Variants in RTN4RL1 observed in about 807,000 individuals in gnomAD.
The protein encoded by RTN4RL1 is reticulon-4 receptor-like 1.
In RTN4RL1, 7 loss-of-function variants were observed where a neutral mutation model predicts 25.6. That is an observed-to-expected ratio of 0.27 (90% confidence interval 0.16 to 0.51). RTN4RL1 has a LOEUF of 0.51. RTN4RL1 is among the 20% of genes least tolerant of loss of function. The pLI is 0.97. For synonymous variants in RTN4RL1, 297 were observed against 288.2 expected, an observed-to-expected ratio of 1.03 and a Z score of -0.31; for missense variants, 500 against 615.6, an observed-to-expected ratio of 0.81 and a Z score of 1.99.
intron 1 of RTN4RL1, among the ~76,000 whole-genome samples, chr17:2,013,632 T>TTG (rs1567528139): frequency 1.5e-5 from 2 of 134,168 alleles, no homozygotes; most frequent in African/African-American, 5.8e-5. Flanking sequence ...TCCCTCACCC[T>TTG]GGAACATAAA....
chr17:2,011,200 A>G (rs975872460), intron 1 of RTN4RL1, among the ~76,000 whole-genome samples: 3 of 152,166 alleles, frequency 2.0e-5, no homozygotes, highest in African/African-American at 4.8e-5. Context: ...GCTGTGAGCC[A>G]AGATCGCGCC....
At chr17:2,012,418 C>T (rs146988334) in intron 1 of RTN4RL1, among the ~76,000 whole-genome samples, 105 of 152,350 alleles carry the variant, frequency 6.9e-4, no homozygotes, top group African/African-American at 2.3e-3. Context: ...TCGGTATCCT[C>T]ATCTGTAACT....
chr17:1,991,276 C>T (rs1000924602), intron 1 of RTN4RL1, among the ~76,000 whole-genome samples: 1 of 151,750 alleles, frequency 6.6e-6, no homozygotes, highest in African/African-American at 2.4e-5. Flanking sequence ...TAGGCATAGG[C>T]TTGTAGGGAG....
intron 1 of RTN4RL1, among the ~76,000 whole-genome samples, chr17:1,993,820 C>T (rs2066919312): frequency 6.6e-6 from 1 of 152,022 alleles, no homozygotes; most frequent in African/African-American, 2.4e-5. Context: ...AAACAAATCA[C>T]ATTCTGCAAA....
intron 1 of RTN4RL1, among the ~76,000 whole-genome samples, chr17:2,016,170 TAGG>T (rs2067120124): frequency 6.6e-6 from 1 of 152,068 alleles, no homozygotes; most frequent in Admixed American, 6.6e-5. Context: ...CACCTGAGGT[TAGG>T]AGTTCAAGAC....
At chr17:1,942,777 C>T (rs1915466690) in intron 1 of RTN4RL1, among the ~76,000 whole-genome samples, 1 of 152,136 alleles carries the variant, frequency 6.6e-6, no homozygotes, top group South Asian at 2.1e-4. Context: ...CGCTCAGCAG[C>T]CCCAGATGTG....
At chr17:1,997,549 G>GT (rs1169433960) in intron 1 of RTN4RL1, among the ~76,000 whole-genome samples, 1 of 152,202 alleles carries the variant, frequency 6.6e-6, no homozygotes, top group Non-Finnish European at 1.5e-5. Context: ...CCCATAGTAG[G>GT]TGCTCAATCA....
intron 1 of RTN4RL1, among the ~76,000 whole-genome samples, chr17:1,938,388 C>T (rs772652656): frequency 3.8e-4 from 58 of 151,882 alleles, no homozygotes; most frequent in Non-Finnish European, 5.0e-4. Context: ...CTGCAACCTC[C>T]GCCTCCGGGG....
At chr17:2,017,927 ACT>A in intron 1 of RTN4RL1, 1 of 152,314 alleles carries the variant, frequency 6.6e-6, no homozygotes, top group Non-Finnish European at 1.5e-5. Context: ...GATCAGCTAG[ACT>A]CTCTGCCTTG....
At chr17:2,020,876 G>C (rs556486563) in intron 1 of RTN4RL1, among the ~76,000 whole-genome samples, 3 of 152,206 alleles carry the variant, frequency 2.0e-5, no homozygotes, top group South Asian at 2.1e-4. Context: ...CACGGGTCCC[G>C]ACCTTAAGTA....
chr17:1,962,494 G>A (rs1272320151), intron 1 of RTN4RL1, among the ~76,000 whole-genome samples: 1 of 151,708 alleles, frequency 6.6e-6, no homozygotes, highest in Non-Finnish European at 1.5e-5. Flanking sequence ...GAGTAGCTGG[G>A]ACTACAGGTG....
intron 1 of RTN4RL1, among the ~76,000 whole-genome samples, chr17:1,949,051 G>A (rs1371637075): frequency 6.6e-6 from 1 of 152,166 alleles, no homozygotes; most frequent in Non-Finnish European, 1.5e-5. Flanking sequence ...CCGCCTCCCG[G>A]GTTCAAGGCA....
intron 1 of RTN4RL1, among the ~76,000 whole-genome samples, chr17:2,001,032 CAAT>C (rs1426216805): frequency 3.4e-5 from 5 of 148,622 alleles, no homozygotes; most frequent in African/African-American, 7.5e-5. Context: ...ATAAAGATAA[CAAT>C]AATAATGTTT....
intron 1 of RTN4RL1, among the ~76,000 whole-genome samples, chr17:1,999,673 G>GCC (rs61003177): frequency 0.018 from 2,643 of 150,470 alleles, 75 homozygotes; most frequent in African/African-American, 0.057. Context: ...CCCTATACAT[G>GCC]CCCCCCCCAC....
chr17:1,940,984 G>A (rs868485700), intron 1 of RTN4RL1, among the ~76,000 whole-genome samples: 11 of 152,208 alleles, frequency 7.2e-5, no homozygotes, highest in South Asian at 2.1e-4. Context: ...CCTTGCGGCA[G>A]GGGGACGGGG....
intron 1 of RTN4RL1, among the ~76,000 whole-genome samples, chr17:1,997,930 G>A (rs1229431948): frequency 6.6e-6 from 1 of 152,224 alleles, no homozygotes; most frequent in Admixed American, 6.5e-5. Flanking sequence ...CTCCTCGCAG[G>A]CCTTCTGGGG....
intron 1 of RTN4RL1, among the ~76,000 whole-genome samples, chr17:1,990,380 A>G (rs1490539583): frequency 6.6e-6 from 1 of 151,916 alleles, no homozygotes; most frequent in Admixed American, 6.6e-5. Flanking sequence ...ATAAACAAAT[A>G]AAATAAAATA....
Position 1,994,767 on chromosome 17 carries a change from T to C in RTN4RL1, c.13+30086A>G, listed in dbSNP as rs2066922528. ...GAAAGGGGATAATACACGCTTGCGT[T>C]GGGGGAAAGGTGGTTAAAAAGGAGG... On this transcript the variant is annotated intron_variant, in intron 1 of 1. Coordinates refer to ENST00000331238, the MANE Select transcript of RTN4RL1 (RefSeq NM_178568.4). This position sits in a 1 kb window ranked among gnomAD's most constrained non-coding sequence, Gnocchi z 4.3. 6.6e-6 allele frequency among the ~76,000 whole-genome samples: 1 copy of C among 151,894 alleles called. No individual in the cohort carries two copies. The highest frequency in any genetic ancestry group is 2.1e-4 in the South Asian group (1 of 4,816).
intron 1 of RTN4RL1, among the ~76,000 whole-genome samples, chr17:1,975,218 T>A (rs1211284977): frequency 6.6e-6 from 1 of 152,226 alleles, no homozygotes; most frequent in African/African-American, 2.4e-5. Flanking sequence ...AAGCCTCTTA[T>A]TAGCATCTTT....
Sources: gnomAD v4.1 joint callset for allele counts (sites outside exome capture counted in the v4.1 genomes callset) on GRCh38, gnomAD v4.1.1 for gene constraint, Gnocchi (gnomAD v3.1) non-coding constraint, MANE v1.5 for transcripts, NCBI Gene and HGNC (gene_info 2026-07-23, HGNC 2026-07-21) for gene names.